TMEM178B: variants seen among roughly 807,000 people sequenced by gnomAD.
The protein encoded by TMEM178B is transmembrane protein 178B.
A neutral mutation model predicts 31.0 loss-of-function variants in TMEM178B; 5 were observed. The ratio of observed to expected loss-of-function variants is 0.16; its 90% CI spans 0.08 to 0.34. The LOEUF (loss-of-function observed/expected upper bound fraction) is 0.34. Ranked by LOEUF, TMEM178B falls within the 10% of genes least tolerant of loss-of-function variation. The probability of loss-of-function intolerance (pLI) is 1.00; values close to 1 mark genes in which losing one functional copy is unlikely to be tolerated. For missense variants in TMEM178B, 275 were observed against 400.3 expected (o/e 0.69, Z 2.67); for synonymous variants, 164 against 164.0 (o/e 1.00, Z 0.00).
chr7:141,088,102 G>A (rs1039326550), intron 1 of TMEM178B, among the ~76,000 whole-genome samples: 28 of 152,140 alleles, frequency 1.8e-4, no homozygotes, highest in East Asian at 7.7e-4. Flanking sequence ...AGGGAGACAT[G>A]TTGCACTTCA....
intron 2 of TMEM178B, among the ~76,000 whole-genome samples, chr7:141,321,845 T>C (rs1799104554): frequency 6.6e-6 from 1 of 150,444 alleles, no homozygotes; most frequent in South Asian, 2.1e-4. Context: ...AAAAGCTCTC[T>C]AGGTGAGTCT....
chr7:141,148,366 C>G (rs1238469410), intron 1 of TMEM178B, among the ~76,000 whole-genome samples: 1 of 152,152 alleles, frequency 6.6e-6, no homozygotes, highest in Non-Finnish European at 1.5e-5. Context: ...TTTAGAGGAG[C>G]ATTATTCTGT....
chr7:141,231,805 CTTTTA>C (rs1324099483), intron 2 of TMEM178B, among the ~76,000 whole-genome samples: 2 of 152,230 alleles, frequency 1.3e-5, no homozygotes, highest in African/African-American at 2.4e-5. Context: ...TTCCCATCAA[CTTTTA>C]TTTTAAGTTC....
intron 2 of TMEM178B, among the ~76,000 whole-genome samples, chr7:141,381,280 T>C (rs543135101): frequency 2.6e-5 from 4 of 152,342 alleles, no homozygotes; most frequent in African/African-American, 9.6e-5. Context: ...TCTTAAATTC[T>C]TGTAGATCCT....
intron 1 of TMEM178B, among the ~76,000 whole-genome samples, chr7:141,204,196 G>A (rs1480418503): frequency 6.6e-5 from 10 of 152,242 alleles, no homozygotes; most frequent in Non-Finnish European, 1.2e-4. Context: ...CGTGAGACTG[G>A]AAAGAGGGGA....
chr7:141,454,368 C>T (rs1388030685), intron 3 of TMEM178B, among the ~76,000 whole-genome samples: 1 of 152,026 alleles, frequency 6.6e-6, no homozygotes, highest in African/African-American at 2.4e-5. Flanking sequence ...AAGTGACTGC[C>T]TTCTCTGATG....
chr7:141,142,130 A>G (rs1391643424), intron 1 of TMEM178B, among the ~76,000 whole-genome samples: 1 of 151,040 alleles, frequency 6.6e-6, no homozygotes, highest in East Asian at 1.9e-4. Flanking sequence ...GCACCCACTT[A>G]TAAGTGAGAA....
intron 2 of TMEM178B, among the ~76,000 whole-genome samples, chr7:141,404,275 A>T (rs1412701938): frequency 1.3e-5 from 2 of 152,254 alleles, no homozygotes; most frequent in Admixed American, 1.3e-4. Context: ...ACTGCACTCC[A>T]GCCTGGGCAA....
intron 2 of TMEM178B, among the ~76,000 whole-genome samples, chr7:141,255,722 C>A (rs1318585250): frequency 2.6e-5 from 4 of 151,888 alleles, no homozygotes; most frequent in African/African-American, 9.7e-5. Flanking sequence ...TTGTCCCCGA[C>A]CCCTGCCTTT....
chr7:141,157,443 G>T (rs548839933), intron 1 of TMEM178B, among the ~76,000 whole-genome samples: 1 of 150,302 alleles, frequency 6.7e-6, no homozygotes, highest in African/African-American at 2.5e-5. Flanking sequence ...ACACACACAC[G>T]CACACACACA....
chr7:141,287,906 T>C (rs1798473253), intron 2 of TMEM178B, among the ~76,000 whole-genome samples: 1 of 152,256 alleles, frequency 6.6e-6, no homozygotes, highest in South Asian at 2.1e-4. Context: ...ACTAAGAGTT[T>C]TGCCTTCTTA....
At chr7:141,334,194 C>G (rs1489064193) in intron 2 of TMEM178B, among the ~76,000 whole-genome samples, 3 of 152,190 alleles carry the variant, frequency 2.0e-5, no homozygotes, top group Non-Finnish European at 4.4e-5. Flanking sequence ...GGCACTTGCT[C>G]AGGATGGGCT....
intron 2 of TMEM178B, among the ~76,000 whole-genome samples, chr7:141,243,135 CAA>C (rs1797654546): frequency 6.6e-6 from 1 of 152,040 alleles, no homozygotes; most frequent in African/African-American, 2.4e-5. Flanking sequence ...CCCAAACAAC[CAA>C]AGTCATGTGA....
At chr7:141,200,255 C>G (rs28532988) in intron 1 of TMEM178B, among the ~76,000 whole-genome samples, 9,751 of 151,932 alleles carry the variant, frequency 0.064, 956 homozygotes, top group African/African-American at 0.21. Flanking sequence ...TTCTAGTGGG[C>G]CTGTCCTGGT....
At chr7:141,295,849 A>G (rs1798622656) in intron 2 of TMEM178B, among the ~76,000 whole-genome samples, 1 of 152,164 alleles carries the variant, frequency 6.6e-6, no homozygotes, top group South Asian at 2.1e-4. Context: ...CTTTGTCCCC[A>G]CATTTCCAGA....
intron 1 of TMEM178B, among the ~76,000 whole-genome samples, chr7:141,156,233 C>T (rs1796067940): frequency 6.6e-6 from 1 of 152,194 alleles, no homozygotes; most frequent in Admixed American, 6.5e-5. Context: ...CAATTACCTT[C>T]CTTGTGCCTC....
chr7:141,256,388 G>A (rs1311460398), intron 2 of TMEM178B, among the ~76,000 whole-genome samples: 1 of 152,186 alleles, frequency 6.6e-6, no homozygotes, highest in African/African-American at 2.4e-5. Flanking sequence ...GATACTTGGG[G>A]GAAGAGCCTT....
chr7:141,487,086 G>A, the TMEM178B span, among the ~76,000 whole-genome samples: 2 of 152,138 alleles, frequency 1.3e-5, no homozygotes, highest in African/African-American at 2.4e-5. Flanking sequence ...CAAGTCAAAT[G>A]TTCGCTGCAA....
intron 2 of TMEM178B, among the ~76,000 whole-genome samples, chr7:141,217,365 A>G (rs574766328): frequency 3.9e-4 from 60 of 152,304 alleles, no homozygotes; most frequent in Non-Finnish European, 7.1e-4. Context: ...GGACCTGGGC[A>G]GCCAGGGTGG....
Sources: allele counts gnomAD v4.1 joint callset (sites outside exome capture counted in the v4.1 genomes callset), GRCh38; gene constraint gnomAD v4.1.1; transcripts MANE v1.5; gene names NCBI Gene and HGNC (gene_info 2026-07-23, HGNC 2026-07-21).